The following CSNK1G1 variants were observed in gnomAD, a reference collection of about 807,000 sequenced individuals.
CSNK1G1 encodes the protein casein kinase I isoform gamma-1.
CSNK1G1 carries 22 observed loss-of-function variants against 59.6 expected under a neutral mutation model. The observed-to-expected ratio is 0.37, with a 90% confidence interval of 0.26 to 0.53. The LOEUF (loss-of-function observed/expected upper bound fraction) is 0.53. Ranked by LOEUF, CSNK1G1 falls within the 20% of genes least tolerant of loss-of-function variation. The pLI is 0.89. For synonymous variants in CSNK1G1, 179 were observed against 177.1 expected, an observed-to-expected ratio of 1.01 and a Z score of -0.08; for missense variants, 384 against 519.5, an observed-to-expected ratio of 0.74 and a Z score of 2.54.
At chr15:64,271,586 G>T (rs2140350069) in intron 2 of CSNK1G1, among the ~76,000 whole-genome samples, 1 of 152,344 alleles carries the variant, frequency 6.6e-6, no homozygotes, top group Non-Finnish European at 1.5e-5. Flanking sequence ...ACAGTGCCCA[G>T]CCTTGGCCTT....
intron 4 of CSNK1G1, among the ~76,000 whole-genome samples, chr15:64,248,995 C>T (rs886796277): frequency 3.3e-5 from 5 of 151,996 alleles, no homozygotes; most frequent in African/African-American, 2.4e-5. Flanking sequence ...TGGTGGCGGG[C>T]GCCTGTAGGC....
At chr15:64,204,058 G>A (rs567997715) in intron 9 of CSNK1G1, among the ~76,000 whole-genome samples, 5 of 151,872 alleles carry the variant, frequency 3.3e-5, no homozygotes, top group South Asian at 2.1e-4. Flanking sequence ...CAGGAGAATC[G>A]CTTGAACTCA....
At chr15:64,197,640 C>T (rs1247620050) in intron 10 of CSNK1G1, among the ~76,000 whole-genome samples, 1 of 152,144 alleles carries the variant, frequency 6.6e-6, no homozygotes, top group African/African-American at 2.4e-5. Flanking sequence ...ATCTAGACTC[C>T]CTCTACATCT....
At chr15:64,305,847 T>C (rs1895660201) in intron 1 of CSNK1G1, among the ~76,000 whole-genome samples, 1 of 149,128 alleles carries the variant, frequency 6.7e-6, no homozygotes, top group East Asian at 1.9e-4. Context: ...AATATATTCA[T>C]ACCAATCTTT....
chr15:64,260,619 T>C (rs1011847232), intron 2 of CSNK1G1, among the ~76,000 whole-genome samples: 1 of 152,050 alleles, frequency 6.6e-6, no homozygotes. Flanking sequence ...ATACTTGTAA[T>C]CTCAGCTACT....
intron 4 of CSNK1G1, among the ~76,000 whole-genome samples, chr15:64,224,195 T>C (rs1051620920): frequency 6.6e-6 from 1 of 152,186 alleles, no homozygotes; most frequent in Non-Finnish European, 1.5e-5. Context: ...TTAAAGAAAA[T>C]AGAATAATTT....
chr15:64,181,199 A>AT, intron 10 of CSNK1G1: 2 of 1,527,686 alleles, frequency 1.3e-6, no homozygotes, highest in South Asian at 1.2e-5. Context: ...AACGATCTTT[A>AT]TTTCAGGTTC....
At chr15:64,347,595 A>AG (rs1052773995) in intron 1 of CSNK1G1, among the ~76,000 whole-genome samples, 7 of 151,054 alleles carry the variant, frequency 4.6e-5, no homozygotes, top group Non-Finnish European at 8.8e-5. Context: ...AAAAAAAAAA[A>AG]AAAAGAAAGA....
intron 4 of CSNK1G1, among the ~76,000 whole-genome samples, chr15:64,229,967 G>C (rs1022857069): frequency 8.5e-6 from 1 of 117,090 alleles, no homozygotes; most frequent in Admixed American, 1.3e-4. Context: ...TGTCGCCCAG[G>C]CTGGAGGGCA....
intron 1 of CSNK1G1, among the ~76,000 whole-genome samples, chr15:64,351,304 A>G (rs527739566): frequency 1.3e-5 from 2 of 152,324 alleles, no homozygotes; most frequent in African/African-American, 2.4e-5. Flanking sequence ...TATTTTGTTC[A>G]TTATCTAATT....
At chr15:64,287,009 C>A (rs1894462728) in intron 2 of CSNK1G1, among the ~76,000 whole-genome samples, 6 of 152,098 alleles carry the variant, frequency 3.9e-5, no homozygotes, top group Admixed American at 3.9e-4. Context: ...TAATGACTAT[C>A]ATCTTTGTAT....
intron 1 of CSNK1G1, among the ~76,000 whole-genome samples, chr15:64,301,048 T>C (rs532763221): frequency 4.7e-4 from 72 of 152,212 alleles, no homozygotes; most frequent in Non-Finnish European, 9.1e-4. Context: ...AGAGCAGTGC[T>C]AAAATCAAGT....
intron 2 of CSNK1G1, among the ~76,000 whole-genome samples, chr15:64,286,936 T>C (rs1218104514): frequency 2.6e-5 from 4 of 152,240 alleles, no homozygotes; most frequent in Non-Finnish European, 5.9e-5. Context: ...AAAAGATCAT[T>C]AGTTATCATT....
intron 2 of CSNK1G1, among the ~76,000 whole-genome samples, chr15:64,260,652 C>A (rs970331531): frequency 1.3e-5 from 2 of 151,926 alleles, no homozygotes; most frequent in African/African-American, 2.4e-5. Flanking sequence ...GTGGGAAAAT[C>A]GCTTGAACCC....
In CSNK1G1 at chr15:64,332,682, AAAAT is replaced by A. The variant is rs1372571476; in HGVS notation, c.-225+23302_-225+23305del. Among the ~76,000 whole-genome samples, 17 of 137,286 alleles carry A rather than the reference AAAAT, an allele frequency of 1.2e-4. 1 individual carries two copies. Among genetic ancestry groups the A allele is most frequent in the Middle Eastern group, 3.6e-3 (1 of 276 alleles). The allele number at this position is 137,286 out of a possible 152,430, so 90.1% of individuals were successfully genotyped here. A position where few individuals can be genotyped will look rare whatever the true frequency, so the allele number is the denominator to read the frequency against. ...TAAAACTTAAAGTATAATTAAAAAT[AAAAT>A]AAAATAAAATAAAAAAACCCAAATC... On this transcript the variant is annotated intron_variant, in intron 1 of 11. Coordinates refer to ENST00000303052, the MANE Select transcript of CSNK1G1 (RefSeq NM_022048.5).
At chr15:64,250,791 T>C (rs1422284429) in intron 4 of CSNK1G1, among the ~76,000 whole-genome samples, 2 of 152,038 alleles carry the variant, frequency 1.3e-5, no homozygotes, top group Non-Finnish European at 2.9e-5. Flanking sequence ...AACCAAGCTT[T>C]AGTCATTCAT....
At chr15:64,205,530 T>C (rs2082165390) in intron 7 of CSNK1G1, among the ~76,000 whole-genome samples, 2 of 152,224 alleles carry the variant, frequency 1.3e-5, no homozygotes, top group Non-Finnish European at 2.9e-5. Context: ...AAGTCTGGTA[T>C]GCTCAGAGCT....
At chr15:64,172,202 C>T (rs1376479097) in intron 11 of CSNK1G1, among the ~76,000 whole-genome samples, 1 of 152,178 alleles carries the variant, frequency 6.6e-6, no homozygotes, top group Admixed American at 6.5e-5. Flanking sequence ...AGTCATCCTA[C>T]CTAATTATCA....
intron 1 of CSNK1G1, among the ~76,000 whole-genome samples, chr15:64,320,736 G>A (rs982811003): frequency 6.6e-6 from 1 of 151,344 alleles, no homozygotes; most frequent in African/African-American, 2.4e-5. Flanking sequence ...ATGCAATGTG[G>A]CCAGCTCTGA....
Sources: allele counts gnomAD v4.1 joint callset (sites outside exome capture counted in the v4.1 genomes callset), GRCh38; gene constraint gnomAD v4.1.1; transcripts MANE v1.5; gene names NCBI Gene and HGNC (gene_info 2026-07-23, HGNC 2026-07-21).